MYOM2: variants seen among roughly 807,000 people sequenced by gnomAD.
MYOM2 encodes the protein myomesin 2, also known as myomesin-2.
MYOM2 carries 254 observed loss-of-function variants against 187.6 expected under a neutral mutation model. That is an observed-to-expected ratio of 1.35 (90% CI 1.22 to 1.50). MYOM2 has a LOEUF of 1.50. MYOM2 is among the 40% of genes most tolerant of loss of function. The pLI, the probability that MYOM2 is intolerant of heterozygous loss-of-function variation, is 0.00. For synonymous variants in MYOM2, 981 were observed against 753.8 expected (o/e 1.30, Z -4.94); for missense variants, 2,796 against 1,924.0 (o/e 1.45, Z -8.48).
chr8:2,089,960 G>T, intron 14 of MYOM2, 48 bp from the exon 15 acceptor site: 1 of 1,592,418 alleles, frequency 6.3e-7, no homozygotes. Context: ...ACGCCTCTGG[G>T]GACCTCGCGG....
intron 3 of MYOM2, among the ~76,000 whole-genome samples, chr8:2,052,795 C>G (rs1315583937): frequency 6.6e-6 from 1 of 152,212 alleles, no homozygotes; most frequent in African/African-American, 2.4e-5. Flanking sequence ...CACATTCAAG[C>G]AAGGTCATCT....
rs572040500 is a variant in MYOM2 at position 2,119,424 on chromosome 8, A to T, written c.3453+1472A>T. 7 of 152,770 alleles carry T rather than the reference A, an allele frequency of 4.6e-5. No homozygotes were observed. The East Asian group carries it at 1.4e-3, about 30-fold the overall frequency. The allele number at this position is 152,770 out of a possible 1,614,324, so 9.5% of individuals were successfully genotyped here. On this transcript the variant is annotated intron_variant, in intron 28 of 36. Coordinates refer to ENST00000262113, the MANE Select transcript of MYOM2 (RefSeq NM_003970.4). ...ACTTGGTGGCCTCTGGCAGGGAGGGACTTTGGAGTGAAGCGCTGCGTGGCC... is the reference window on the plus strand; with the variant it reads ...ACTTGGTGGCCTCTGGCAGGGAGGGTCTTTGGAGTGAAGCGCTGCGTGGCC...
Position 2,106,399 on chromosome 8 carries a change from G to C in MYOM2, c.2891+1G>C. 1.2e-6 allele frequency: 2 copies of C among 1,613,878 alleles called. No homozygotes were observed. The highest frequency in any genetic ancestry group is 1.7e-6 in the Non-Finnish European group (2 of 1,179,762). On this transcript the variant is annotated splice_donor_variant, in intron 22 of 36. Transcript: ENST00000262113. LOFTEE classifies it high-confidence loss of function. The stretch of plus-strand genomic sequence containing the variant: ...TTAAAATTGAAACCGTGGGGGATCA[G>C]TAAGTGAGGCCTGGAAGTTGGATAC...
intron 1 of MYOM2, among the ~76,000 whole-genome samples, chr8:2,049,324 T>G (rs547565069): frequency 6.6e-6 from 1 of 152,210 alleles, no homozygotes; most frequent in Non-Finnish European, 1.5e-5. Context: ...GAATTTCTCC[T>G]TTCTGGCCCT....
chr8:2,047,971 G>A (rs1017919140), intron 1 of MYOM2, among the ~76,000 whole-genome samples: 2 of 152,222 alleles, frequency 1.3e-5, no homozygotes, highest in South Asian at 2.1e-4. Flanking sequence ...GACCTGAGCC[G>A]TTTCACATTC....
chr8:2,066,642 C>T (rs748749302), intron 6 of MYOM2, among the ~76,000 whole-genome samples: 83 of 152,330 alleles, frequency 5.4e-4, no homozygotes, highest in African/African-American at 1.4e-3. Context: ...CCTTCCACCG[C>T]GGACCCCAGT....
intron 32 of MYOM2, among the ~76,000 whole-genome samples, chr8:2,137,042 C>G (rs73657779): frequency 1.1e-4 from 16 of 151,654 alleles, no homozygotes; most frequent in Admixed American, 1.3e-4. Context: ...TTTTACCCCA[C>G]GGAAGAATTT....
chr8:2,086,162 TTGTGATCTCTG>T lies in MYOM2; in HGVS notation c.1644+773_1644+783del, dbSNP rs1796028527. Among the ~76,000 whole-genome samples, 12 of 25,632 alleles carry T rather than the reference TTGTGATCTCTG, an allele frequency of 4.7e-4. 4 individuals are homozygous for T. The highest frequency in any genetic ancestry group is 8.1e-4 in the Non-Finnish European group (12 of 14,772). The allele number at this position is 25,632 out of a possible 152,430, so 16.8% of individuals were successfully genotyped here. ...GTGATCTCTGCGTGGCCCCCCACTG[TTGTGATCTCTG>T]CGTGGCCCCACTGTCATGATCTCTG... On this transcript the variant is annotated intron_variant, in intron 14 of 36. Transcript: ENST00000262113.
Position 2,076,152 on chromosome 8 carries a change from C to G in MYOM2, c.1132C>G (p.Leu378Val), listed in dbSNP as rs1323973609. ...AFLFVRDADP[L>V]VTGAPGAPMD... ...CTCCCTGCCCCAAGATGCTGACCCG[C>G]TGGTCACAGGGGCCCCCGGTGCACC... Residue 378 changes from leucine to valine, a missense_variant, in exon 11 of 37, where the codon CTG becomes GTG. Leu to Val is a conservative substitution (Grantham distance 32, BLOSUM62 1). Transcript: ENST00000262113. The G allele has an allele frequency of 1.9e-6, 3 of 1,612,130 alleles. No individual in the cohort carries two copies. Among genetic ancestry groups the G allele is most frequent in the Non-Finnish European group, 2.5e-6 (3 of 1,179,662 alleles).
rs373008247 is a variant in MYOM2, at chr8:2,096,422, G to A, written c.2301G>A (p.Pro767=). The A allele has an allele frequency of 3.4e-5, 55 of 1,613,954 alleles. No homozygotes were observed. The highest frequency in any genetic ancestry group is 3.3e-4 in the Middle Eastern group (2 of 6,082). Residue 767 remains proline, a synonymous_variant, in exon 18 of 37, where the codon CCG becomes CCA. Transcript: ENST00000262113. ...AGGTCAATTCCTCACCCAGCAAACC[G>A]ACAATCCTAACGGTCAGTTGGTTTT... The part of the protein sequence containing the change: ...WHEVNSSPSK[P]TILTVDGLTE...
chr8:2,072,433 G>A lies in MYOM2; in HGVS notation c.882G>A (p.Thr294=), dbSNP rs750795644. 4.1e-5 allele frequency: 66 copies of A among 1,614,130 alleles called. No homozygotes were observed. The Middle Eastern group carries it at 4.6e-3, about 113-fold the overall frequency. The change falls in exon 9 of 37, where the codon ACG becomes ACA. Residue 294 remains threonine, a synonymous_variant. Coordinates refer to ENST00000262113, the MANE Select transcript of MYOM2 (RefSeq NM_003970.4). ...TCACCTTCAGGAGGGAAGGCGAGAC[G>A]GTCACTCTCAAGTGCACCATGCTGG... The part of the protein sequence containing the change: ...FGVTFRREGE[T]VTLKCTMLVT...
intron 3 of MYOM2, among the ~76,000 whole-genome samples, chr8:2,054,993 GAAGTACCTGGATACTGGGGAACC>G (rs1414194527): frequency 0.16 from 5,777 of 36,694 alleles, 642 homozygotes; most frequent in East Asian, 0.4. Flanking sequence ...CTGGGGGGAC[GAAGTACCTGGATACTGGGGAACC>G]AAGTACCTGG....
intron 18 of MYOM2, among the ~76,000 whole-genome samples, chr8:2,098,503 C>T (rs1042913636): frequency 2.0e-5 from 3 of 152,160 alleles, no homozygotes; most frequent in Non-Finnish European, 4.4e-5. Context: ...CCTGTTTCCT[C>T]GAAGCCTCCG....
chr8:2,104,604 A>T (rs1213068433), intron 21 of MYOM2, among the ~76,000 whole-genome samples: 5 of 137,958 alleles, frequency 3.6e-5, no homozygotes, highest in East Asian at 4.1e-4. Flanking sequence ...GACTCCATTT[A>T]AAAAAAAAAA....
chr8:2,083,678 C>T (rs551965240), intron 13 of MYOM2, among the ~76,000 whole-genome samples: 1 of 152,362 alleles, frequency 6.6e-6, no homozygotes, highest in East Asian at 1.9e-4. Flanking sequence ...CACCCCTGTG[C>T]TTCCCTCTCC....
rs984116699 is a variant in MYOM2, at chr8:2,069,277, G to A, written c.654-1G>A. On this transcript the variant is annotated splice_acceptor_variant, in intron 6 of 36. Transcript: ENST00000262113. LOFTEE classifies it high-confidence loss of function. ...CTTTCTCTTGTTTTTTTCTCTCCAA[G>A]GGCAGACTTTGACGACACTGCGACA... 2.5e-6 allele frequency: 4 copies of A among 1,609,286 alleles called. No homozygotes were observed. Among genetic ancestry groups the A allele is most frequent in the Non-Finnish European group, 3.4e-6 (4 of 1,177,388 alleles).
intron 25 of MYOM2, 71 bp from the exon 26 acceptor site, chr8:2,115,889 T>G: frequency 1.3e-6 from 2 of 1,522,816 alleles, no homozygotes; most frequent in Non-Finnish European, 1.8e-6. Context: ...GATGCAATTG[T>G]TAAATGTTGC....
At chr8:2,120,787 A>C (rs1273645992) in intron 28 of MYOM2, among the ~76,000 whole-genome samples, 1 of 142,352 alleles carries the variant, frequency 7.0e-6, no homozygotes, top group African/African-American at 2.6e-5. Context: ...AAATTTATAT[A>C]GATATATAAT....
At chr8:2,075,833 C>T (rs529379514) in intron 10 of MYOM2, among the ~76,000 whole-genome samples, 3 of 152,286 alleles carry the variant, frequency 2.0e-5, no homozygotes, top group South Asian at 2.1e-4. Flanking sequence ...TTTTTGCCAA[C>T]GTGCCGTTAT....
Sources: gnomAD v4.1 joint callset for allele counts (sites outside exome capture counted in the v4.1 genomes callset) on GRCh38, gnomAD v4.1.1 for gene constraint, MANE v1.5 for transcripts, NCBI Gene and HGNC (gene_info 2026-07-23, HGNC 2026-07-21) for gene names.